FRMD3: variants seen among roughly 807,000 people sequenced by gnomAD.
FRMD3 encodes FERM domain-containing protein 3.
FRMD3 carries 33 observed loss-of-function variants against 70.2 expected under a neutral mutation model. That is an observed-to-expected ratio of 0.47 (90% CI 0.36 to 0.63). FRMD3 has a LOEUF of 0.63. Among genes scored for constraint, FRMD3 ranks in the 20% least tolerant of loss-of-function variants. FRMD3 has a pLI of 0.00. For synonymous variants in FRMD3, 279 were observed against 255.9 expected (o/e 1.09, Z -0.86); for missense variants, 632 against 711.4 (o/e 0.89, Z 1.27).
At chr9:83,273,402 T>C (rs1185383128) in intron 13 of FRMD3, among the ~76,000 whole-genome samples, 1 of 151,016 alleles carries the variant, frequency 6.6e-6, no homozygotes, top group Admixed American at 6.6e-5. Flanking sequence ...CGGTGCAAGA[T>C]GTGCTTTGTT....
intron 4 of FRMD3, among the ~76,000 whole-genome samples, chr9:83,345,008 T>A (rs1223021037): frequency 6.6e-6 from 1 of 152,132 alleles, no homozygotes; most frequent in Non-Finnish European, 1.5e-5. Context: ...GAGTGATTAG[T>A]GTGCTAAGGT....
chr9:83,555,168 C>A, the FRMD3 span, among the ~76,000 whole-genome samples: 4 of 152,094 alleles, frequency 2.6e-5, no homozygotes, highest in African/African-American at 9.7e-5. Context: ...GCTGGGGGTC[C>A]ACTTTGGCCC....
intron 2 of FRMD3, among the ~76,000 whole-genome samples, chr9:83,378,763 ATATT>A (rs1291551622): frequency 8.9e-6 from 1 of 112,256 alleles, no homozygotes; most frequent in African/African-American, 4.0e-5. Context: ...TATATAATTT[ATATT>A]ATATATAATA....
At chr9:83,257,288 G>A (rs575813270) in intron 13 of FRMD3, among the ~76,000 whole-genome samples, 33 of 152,196 alleles carry the variant, frequency 2.2e-4, no homozygotes, top group African/African-American at 6.5e-4. Context: ...ACCAAACACT[G>A]CATGTTCTCA....
intron 13 of FRMD3, chr9:83,267,126 A>G (rs1455625482): frequency 1.9e-6 from 3 of 1,550,650 alleles, no homozygotes; most frequent in South Asian, 2.4e-5. Flanking sequence ...ATCTTGACCA[A>G]GCATTTTGCC....
At chr9:83,429,740 C>G (rs1022619439) in intron 1 of FRMD3, among the ~76,000 whole-genome samples, 2 of 152,204 alleles carry the variant, frequency 1.3e-5, no homozygotes, top group African/African-American at 4.8e-5. Flanking sequence ...TTTTCTCTCT[C>G]TCTTGGATTC....
At position 83,331,447 on chromosome 9, in the gene FRMD3, G is replaced by A. The variant is rs570232355; in HGVS notation, c.596+4069C>T. Among the ~76,000 whole-genome samples the A allele has an allele frequency of 1.5e-3, 226 of 152,308 alleles. 1 individual carries two copies. The highest frequency in any genetic ancestry group is 5.1e-3 in the African/African-American group (211 of 41,556). On this transcript the variant is annotated intron_variant, in intron 6 of 13. Transcript: ENST00000304195. Reference sequence around the variant, plus strand: ...TCAGCGGTTGCCAGGGGTTAGGGGAGAAGGAGGGATGATTTTTAGGACAGG... The same window carrying A: ...TCAGCGGTTGCCAGGGGTTAGGGGAAAAGGAGGGATGATTTTTAGGACAGG...
intron 1 of FRMD3, among the ~76,000 whole-genome samples, chr9:83,460,858 A>G (rs899708816): frequency 8.6e-5 from 13 of 151,986 alleles, no homozygotes; most frequent in Admixed American, 2.6e-4. Context: ...ATTTAAATCT[A>G]TTTATTATAC....
chr9:83,261,787 G>A (rs1227686200), intron 13 of FRMD3, among the ~76,000 whole-genome samples: 2 of 152,126 alleles, frequency 1.3e-5, no homozygotes, highest in Admixed American at 1.3e-4. Context: ...TACCATCAAG[G>A]TTAAAAATCC....
intron 2 of FRMD3, among the ~76,000 whole-genome samples, chr9:83,379,535 CA>C (rs1825291762): frequency 6.6e-6 from 1 of 152,044 alleles, no homozygotes; most frequent in South Asian, 2.1e-4. Flanking sequence ...ATAAAATTTC[CA>C]AAGGCTATAA....
intron 6 of FRMD3, among the ~76,000 whole-genome samples, chr9:83,314,783 A>T (rs906587279): frequency 8.1e-6 from 1 of 123,466 alleles, no homozygotes; most frequent in African/African-American, 3.0e-5. Context: ...CCAACAATGC[A>T]TATCTTTCTT....
At chr9:83,436,629 C>A (rs772524091) in intron 1 of FRMD3, among the ~76,000 whole-genome samples, 5 of 151,942 alleles carry the variant, frequency 3.3e-5, no homozygotes, top group Non-Finnish European at 7.4e-5. Context: ...ATATTGAAAC[C>A]AGTTACTTCA....
intron 1 of FRMD3, among the ~76,000 whole-genome samples, chr9:83,404,517 C>T (rs968896468): frequency 5.3e-5 from 8 of 152,164 alleles, no homozygotes; most frequent in African/African-American, 1.4e-4. Context: ...CTGCATAAAC[C>T]CACAAGAATG....
chr9:83,288,686 T>C (rs1344090612), intron 13 of FRMD3, among the ~76,000 whole-genome samples: 4 of 152,252 alleles, frequency 2.6e-5, no homozygotes, highest in Admixed American at 6.5e-5. Context: ...TGCATTCCTA[T>C]CCTGTCATGA....
intron 1 of FRMD3, among the ~76,000 whole-genome samples, chr9:83,405,234 C>T (rs983330722): frequency 1.6e-4 from 25 of 152,126 alleles, no homozygotes; most frequent in African/African-American, 6.0e-4. Context: ...TCTGGGCCTC[C>T]CAGTGCCCAG....
At chr9:83,371,922 G>A (rs929817107) in intron 3 of FRMD3, among the ~76,000 whole-genome samples, 4 of 152,168 alleles carry the variant, frequency 2.6e-5, no homozygotes, top group Non-Finnish European at 2.9e-5. Flanking sequence ...GAAGAGATAC[G>A]CTGCCTGCTA....
chr9:83,507,728 A>ATCTATCTATCTATC (rs1461153278), intron 1 of FRMD3, among the ~76,000 whole-genome samples: 3 of 110,778 alleles, frequency 2.7e-5, no homozygotes, highest in Admixed American at 1.1e-4. Flanking sequence ...ATATATATAT[A>ATCTATCTATCTATC]TATATATATA....
At chr9:83,343,524 C>T (rs1054841227) in intron 4 of FRMD3, among the ~76,000 whole-genome samples, 1 of 152,090 alleles carries the variant, frequency 6.6e-6, no homozygotes, top group Non-Finnish European at 1.5e-5. Context: ...TGAGCAGGCT[C>T]GGCCTTTTCA....
At chr9:83,464,474 A>G (rs1054610711) in intron 1 of FRMD3, among the ~76,000 whole-genome samples, 2 of 152,152 alleles carry the variant, frequency 1.3e-5, no homozygotes, top group African/African-American at 4.8e-5. Flanking sequence ...CTTTGCTCTA[A>G]CAGCAAATCC....
Sources: allele counts gnomAD v4.1 joint callset (sites outside exome capture counted in the v4.1 genomes callset), GRCh38; gene constraint gnomAD v4.1.1; transcripts MANE v1.5; gene names NCBI Gene and HGNC (gene_info 2026-07-23, HGNC 2026-07-21).